Variants in RARB observed in about 807,000 individuals in gnomAD.
RARB encodes retinoic acid receptor beta, also known as HBV-activated protein.
Under a neutral mutation model 51.9 loss-of-function variants are expected in RARB, and 17 were observed. The observed-to-expected ratio is 0.33, with a 90% CI of 0.22 to 0.49. The LOEUF is 0.49. Among genes scored for constraint, RARB ranks in the 20% least tolerant of loss-of-function variants. The pLI, the probability that RARB is intolerant of heterozygous loss-of-function variation, is 0.99. For missense variants in RARB, 369 were observed against 550.8 expected (o/e 0.67, Z 3.30); for synonymous variants, 215 against 195.4 (o/e 1.10, Z -0.84).
At chr3:25,101,355 A>G in intron 3 of RARB, among the ~76,000 whole-genome samples, 1 of 152,188 alleles carries the variant, frequency 6.6e-6, no homozygotes, top group Non-Finnish European at 1.5e-5. Flanking sequence ...AAAAAGTGAA[A>G]GCCTCCTTCT....
intron 3 of RARB, among the ~76,000 whole-genome samples, chr3:25,517,165 G>A (rs1484674326): frequency 6.6e-6 from 1 of 152,092 alleles, no homozygotes; most frequent in Non-Finnish European, 1.5e-5. Context: ...AATGGGGTTG[G>A]TTATCTCTGC....
intron 2 of RARB, among the ~76,000 whole-genome samples, chr3:24,965,031 G>A (rs958847969): frequency 2.6e-5 from 4 of 152,100 alleles, no homozygotes; most frequent in African/African-American, 9.7e-5. Context: ...AGATAGAACT[G>A]GAACTAAATT....
chr3:24,978,320 G>A (rs942658770), intron 2 of RARB, among the ~76,000 whole-genome samples: 3 of 152,138 alleles, frequency 2.0e-5, no homozygotes, highest in African/African-American at 7.2e-5. Flanking sequence ...AATAGTTTCA[G>A]AAGGAATGGT....
At chr3:25,312,707 G>A (rs1328546757) in intron 5 of RARB, among the ~76,000 whole-genome samples, 1 of 152,032 alleles carries the variant, frequency 6.6e-6, no homozygotes, top group African/African-American at 2.4e-5. Context: ...TTAAAAATTG[G>A]GACATTTCAC....
chr3:25,562,675 A>G (rs750946608), intron 3 of RARB, among the ~76,000 whole-genome samples: 1 of 152,202 alleles, frequency 6.6e-6, no homozygotes, highest in Non-Finnish European at 1.5e-5. Context: ...CTTATAGCTC[A>G]TATGTCCAAA....
chr3:25,134,607 T>C (rs1284517028), intron 4 of RARB, among the ~76,000 whole-genome samples: 1 of 151,982 alleles, frequency 6.6e-6, no homozygotes, highest in Admixed American at 6.6e-5. Flanking sequence ...TTATTCTCTG[T>C]CAACTAAAAT....
intron 5 of RARB, chr3:25,259,799 C>A (rs749127943): frequency 6.6e-5 from 38 of 576,710 alleles, no homozygotes; most frequent in Non-Finnish European, 8.3e-5. Context: ...ATGCATGACC[C>A]AAAGTCATCT....
chr3:25,395,580 G>A (rs1247244065), intron 5 of RARB, among the ~76,000 whole-genome samples: 1 of 151,910 alleles, frequency 6.6e-6, no homozygotes, highest in East Asian at 1.9e-4. Flanking sequence ...ACATTTCTTG[G>A]AGGCTTTATT....
At chr3:25,206,674 A>G (rs554374463) in intron 5 of RARB, among the ~76,000 whole-genome samples, 8 of 152,230 alleles carry the variant, frequency 5.3e-5, no homozygotes, top group South Asian at 4.1e-4. Context: ...CAGTAGCTCA[A>G]TGAAACACAC....
At chr3:24,912,455 A>T (rs758016450) in intron 2 of RARB, among the ~76,000 whole-genome samples, 4 of 152,210 alleles carry the variant, frequency 2.6e-5, no homozygotes, top group Non-Finnish European at 5.9e-5. Context: ...CGGTGTCCTC[A>T]AATATGTGAG....
chr3:25,479,488 A>AT (rs1368349177), intron 2 of RARB, among the ~76,000 whole-genome samples: 2 of 152,214 alleles, frequency 1.3e-5, no homozygotes. Context: ...CCTATTTAAA[A>AT]TTTAAACACA....
intron 5 of RARB, among the ~76,000 whole-genome samples, chr3:25,397,962 C>G (rs942930283): frequency 6.6e-6 from 1 of 151,756 alleles, no homozygotes; most frequent in African/African-American, 2.4e-5. Context: ...CTTATATAAC[C>G]CTTAAAATGA....
At chr3:25,495,790 C>T (rs1332764890) in intron 2 of RARB, among the ~76,000 whole-genome samples, 1 of 152,180 alleles carries the variant, frequency 6.6e-6, no homozygotes, top group Non-Finnish European at 1.5e-5. Context: ...CAACAGAAGT[C>T]ATGACTAATC....
intron 4 of RARB, among the ~76,000 whole-genome samples, chr3:25,156,516 C>CAAAAAAAAAAAAAAAAAA (rs35710364): frequency 3.5e-5 from 2 of 56,812 alleles, no homozygotes; most frequent in African/African-American, 7.4e-5. Flanking sequence ...GCCCCAACTG[C>CAAAAAAAAAAAAAAAAAA]AAAAAAAAAA....
chr3:25,462,345 C>G (rs1695228931), intron 2 of RARB: 1 of 152,202 alleles, frequency 6.6e-6, no homozygotes, highest in African/African-American at 2.4e-5. Flanking sequence ...GCAAATACAA[C>G]TAACTCATCC....
At chr3:25,408,225 C>A (rs933607498) in intron 5 of RARB, among the ~76,000 whole-genome samples, 5 of 152,084 alleles carry the variant, frequency 3.3e-5, no homozygotes, top group African/African-American at 1.2e-4. Context: ...TGTATTAATC[C>A]ATTCTCACAC....
chr3:24,905,202 A>G (rs1694832981), intron 2 of RARB, among the ~76,000 whole-genome samples: 1 of 152,208 alleles, frequency 6.6e-6, no homozygotes, highest in South Asian at 2.1e-4. Flanking sequence ...CATTTATTTC[A>G]TAGATGGTAG....
intron 3 of RARB, among the ~76,000 whole-genome samples, chr3:25,117,794 C>G (rs529530200): frequency 1.3e-5 from 2 of 152,064 alleles, no homozygotes; most frequent in South Asian, 2.1e-4. Context: ...GAAAAATACA[C>G]CAAAGAAATT....
chr3:25,269,536 C>G (rs879863179), intron 5 of RARB, among the ~76,000 whole-genome samples: 2 of 152,162 alleles, frequency 1.3e-5, no homozygotes, highest in Non-Finnish European at 2.9e-5. Flanking sequence ...ACAGGAAGAG[C>G]TGCTTCTTCA....
Sources: allele counts gnomAD v4.1 joint callset (sites outside exome capture counted in the v4.1 genomes callset), GRCh38; gene constraint gnomAD v4.1.1; transcripts MANE v1.5; gene names NCBI Gene and HGNC (gene_info 2026-07-23, HGNC 2026-07-21).